The following LARS2 variants were observed in gnomAD, a reference collection of about 807,000 sequenced individuals.
The protein encoded by LARS2 is leucyl-tRNA synthetase 2, mitochondrial, also known as leucine--tRNA ligase, mitochondrial.
LARS2 carries 81 observed loss-of-function variants against 116.6 expected under a neutral mutation model. That is an observed-to-expected ratio of 0.69 (90% CI 0.58 to 0.84). LARS2 has a LOEUF of 0.84. LARS2 is among the 40% of genes least tolerant of loss of function. The pLI, the probability that LARS2 is intolerant of heterozygous loss-of-function variation, is 0.00. For missense variants in LARS2, 968 were observed against 1,114.5 expected (o/e 0.87, Z 1.87); for synonymous variants, 396 against 407.2 (o/e 0.97, Z 0.33).
At chr3:45,430,921 G>A (rs1404116674) in intron 6 of LARS2, among the ~76,000 whole-genome samples, 3 of 152,138 alleles carry the variant, frequency 2.0e-5, no homozygotes. Flanking sequence ...TGGACTGAAT[G>A]TATCCCTCTA....
In LARS2 at chr3:45,491,560, A is replaced by G; in HGVS notation, c.1283A>G (p.Gln428Arg). The G allele has an allele frequency of 6.2e-7, 1 of 1,614,200 alleles. No homozygotes were observed. The highest frequency in any genetic ancestry group is 8.5e-7 in the Non-Finnish European group (1 of 1,180,032). ...CAGGATGCTTTTCTAGCCCTGACTC[A>G]GAAAGCCCGGGGGAAGAGAGTGGGT... ...TRQDAFLALT[Q>R]KARGKRVGGD... Residue 428 changes from glutamine (Q) to arginine (R), a missense_variant, in exon 13 of 22, where the codon CAG becomes CGG. By Grantham distance (43) the Gln-to-Arg change is conservative (BLOSUM62 1). Transcript: ENST00000645846.
At chr3:45,534,740 G>A (rs914182404) in intron 20 of LARS2, among the ~76,000 whole-genome samples, 3 of 152,198 alleles carry the variant, frequency 2.0e-5, no homozygotes, top group Non-Finnish European at 2.9e-5. Flanking sequence ...TTTTAGAGAC[G>A]CCGAAAGTAC....
rs1233448512 is a variant in LARS2 at position 45,419,656 on chromosome 3, C to T, written c.456-13C>T. 8 of 1,610,406 alleles carry T rather than the reference C, an allele frequency of 5.0e-6. No individual in the cohort carries two copies. Among genetic ancestry groups the T allele is most frequent in the Non-Finnish European group, 8.5e-7 (1 of 1,176,814 alleles). ...CTCTCTAAAAACCAAACCTTTTTCC[C>T]ATTGTTTCACAGTAATATTAAACAC... On this transcript the variant is annotated splice_polypyrimidine_tract_variant and intron_variant, in intron 5 of 21. Transcript: ENST00000645846.
chr3:45,513,589 T>C (rs1040427656), intron 16 of LARS2, among the ~76,000 whole-genome samples: 1 of 152,244 alleles, frequency 6.6e-6, no homozygotes, highest in East Asian at 1.9e-4. Flanking sequence ...GACACATTCT[T>C]CCAGAACTGG....
In LARS2 at chr3:45,547,402, G is replaced by C. The variant is rs1020755143; in HGVS notation, c.2584G>C (p.Asp862His). The change falls in exon 22 of 22, where the codon GAC becomes CAC. Residue 862 changes from aspartate to histidine, a missense_variant. By Grantham distance (81) the Asp-to-His change is moderately conservative. Transcript: ENST00000645846. ...TCCTGTGCCCCAACAAGTTGCCCGG[G>C]ACCAGGACAAAGTCCACGAATTTGT... ...KIPVPQQVAR[D>H]QDKVHEFVLQ... 36 of 1,613,486 alleles carry C rather than the reference G, an allele frequency of 2.2e-5. No homozygotes were observed. The highest frequency in any genetic ancestry group is 2.9e-5 in the Non-Finnish European group (34 of 1,179,806).
chr3:45,501,210 C>G (rs1030209467), intron 15 of LARS2, among the ~76,000 whole-genome samples: 1 of 145,524 alleles, frequency 6.9e-6, no homozygotes, highest in Non-Finnish European at 1.5e-5. Flanking sequence ...GTTTAAGAAA[C>G]AGAGTATTTC....
Position 45,476,612 on chromosome 3 carries a change from CT to C in LARS2, c.1005del (p.Val336SerfsTer10). ...SSLKEALRMALVPGKDCLTPV... is the reference protein window; with the variant it reads ...SSLKEALRMAXVPGKDCLTPV... ...TCTGAAGGAAGCCTTGAGGATGGCC[CT>C]TGTCCCTGGCAAAGGTGAGCTGGCA... On this transcript the variant is annotated frameshift_variant, in exon 10 of 22. Coordinates refer to ENST00000645846, the MANE Select transcript of LARS2 (RefSeq NM_015340.4). LOFTEE classifies it high-confidence loss of function. 1 of 1,614,104 alleles carries C rather than the reference CT, an allele frequency of 6.2e-7. No individual in the cohort carries two copies. The highest frequency in any genetic ancestry group is 8.5e-7 in the Non-Finnish European group (1 of 1,179,976).
At chr3:45,542,021 G>A in intron 21 of LARS2, 65 bp downstream of exon 21, 1 of 1,591,946 alleles carries the variant, frequency 6.3e-7, no homozygotes, top group Non-Finnish European at 8.6e-7. Flanking sequence ...CCTAAATACT[G>A]TGGTGGTTTT....
intron 20 of LARS2, among the ~76,000 whole-genome samples, chr3:45,530,263 C>T (rs1466662195): frequency 1.3e-5 from 2 of 152,152 alleles, no homozygotes; most frequent in African/African-American, 2.4e-5. Flanking sequence ...TGGCTCACGC[C>T]TGTAATCCCA....
chr3:45,495,803 C>A (rs994948652), intron 13 of LARS2, among the ~76,000 whole-genome samples: 8 of 151,700 alleles, frequency 5.3e-5, no homozygotes, highest in Admixed American at 3.9e-4. Flanking sequence ...TTTAAAACAT[C>A]GCATACTATA....
rs1365911505 is a variant in LARS2, at chr3:45,500,516, T to C, written c.1697T>C (p.Met566Thr). Residue 566 changes from methionine (M) to threonine (T), a missense_variant, in exon 15 of 22, where the codon ATG (methionine) becomes ACG (threonine). Physicochemically the swap from Met to Thr is moderately conservative, Grantham distance 81 (BLOSUM62 -1). Transcript: ENST00000645846. ...LYIGGKEHAVMHLFYARFFSH... is the reference protein window; with the variant it reads ...LYIGGKEHAVTHLFYARFFSH... Reference sequence around the variant, plus strand: ...ATTGGAGGGAAAGAACATGCCGTCATGCACTTGTTCTATGCAAGATTCTTT... The same window carrying C: ...ATTGGAGGGAAAGAACATGCCGTCACGCACTTGTTCTATGCAAGATTCTTT... The C allele has an allele frequency of 1.3e-6, 2 of 1,591,012 alleles. No individual in the cohort carries two copies. The highest frequency in any genetic ancestry group is 2.3e-5 in the East Asian group (1 of 43,082).
chr3:45,428,322 CA>C (rs1183887587), intron 6 of LARS2, among the ~76,000 whole-genome samples: 1 of 135,146 alleles, frequency 7.4e-6, no homozygotes, highest in African/African-American at 2.7e-5. Flanking sequence ...TGGCTCACTG[CA>C]AGCTCCACCT....
intron 6 of LARS2, among the ~76,000 whole-genome samples, chr3:45,423,204 G>A (rs1038134132): frequency 7.0e-4 from 107 of 152,150 alleles, no homozygotes; most frequent in African/African-American, 2.5e-3. Flanking sequence ...AAGAAAAGTA[G>A]CAGGTAATTA....
chr3:45,477,685 A>C (rs911081179), intron 10 of LARS2, among the ~76,000 whole-genome samples: 2 of 152,210 alleles, frequency 1.3e-5, no homozygotes, highest in African/African-American at 4.8e-5. Context: ...ATTTCCACAA[A>C]TATCTCATCC....
chr3:45,447,084 T>C, intron 7 of LARS2, 104 bp downstream of exon 7: 1 of 673,758 alleles, frequency 1.5e-6, no homozygotes. Context: ...ATAAAATCAG[T>C]CACAGCAGAC....
intron 8 of LARS2, among the ~76,000 whole-genome samples, chr3:45,470,009 T>G (rs1289701372): frequency 2.0e-5 from 3 of 152,236 alleles, no homozygotes; most frequent in African/African-American, 7.2e-5. Context: ...CTCTCAAATC[T>G]GTGTCCAGCT....
rs147745374 is a variant in LARS2 at position 45,513,187 on chromosome 3, C to T, written c.1813C>T (p.Arg605Cys). Residue 605 changes from arginine to cysteine, a missense_variant, in exon 16 of 22, where the codon CGC becomes TGC. Coordinates refer to ENST00000645846, the MANE Select transcript of LARS2 (RefSeq NM_015340.4). ...AQGLIKGQTF[R>C]LPSGQYLQRE... ...AGGCCTTATCAAGGGGCAGACATTC[C>T]GCCTACCATCTGGACAGTATCTACA... The T allele has an allele frequency of 1.8e-4, 287 of 1,613,798 alleles. 1 individual carries two copies. Among genetic ancestry groups the T allele is most frequent in the Middle Eastern group, 1.5e-3 (9 of 6,062 alleles).
At chr3:45,528,090 A>G (rs13099924) in intron 20 of LARS2, among the ~76,000 whole-genome samples, 41,379 of 152,146 alleles carry the variant, frequency 0.27, 5,921 homozygotes, top group Middle Eastern at 0.4. Flanking sequence ...TAATCCCAGC[A>G]CTTTGGAAGG....
At chr3:45,531,417 G>A (rs1162048582) in intron 20 of LARS2, among the ~76,000 whole-genome samples, 2 of 151,926 alleles carry the variant, frequency 1.3e-5, no homozygotes, top group Admixed American at 1.3e-4. Flanking sequence ...TCACTCTGTT[G>A]TCCAGGCTGG....
Sources: gnomAD v4.1 joint callset for allele counts (sites outside exome capture counted in the v4.1 genomes callset) on GRCh38, gnomAD v4.1.1 for gene constraint, MANE v1.5 for transcripts, NCBI Gene and HGNC (gene_info 2026-07-23, HGNC 2026-07-21) for gene names.